Variants in PKNOX2 observed in about 807,000 individuals in gnomAD.
PKNOX2 encodes the protein homeobox protein PKNOX2.
A neutral mutation model predicts 53.1 loss-of-function variants in PKNOX2; 14 were observed. That is an observed-to-expected ratio of 0.26 (90% CI 0.17 to 0.41). PKNOX2 has a LOEUF of 0.41. PKNOX2 is among the 10% of genes least tolerant of loss of function. PKNOX2 has a pLI of 1.00. For missense variants in PKNOX2, 496 were observed against 602.8 expected, an observed-to-expected ratio of 0.82 and a Z score of 1.85; for synonymous variants, 257 against 242.8, an observed-to-expected ratio of 1.06 and a Z score of -0.54.
At chr11:125,181,482 A>G (rs1366459335) in intron 1 of PKNOX2, among the ~76,000 whole-genome samples, 3 of 152,140 alleles carry the variant, frequency 2.0e-5, no homozygotes, top group African/African-American at 7.2e-5. Context: ...GTAGAAGGGA[A>G]CAGTGGTTAG....
intron 8 of PKNOX2, 97 bp downstream of exon 8, chr11:125,410,422 G>A (rs3824917): frequency 0.22 from 323,779 of 1,499,228 alleles, 41,013 homozygotes; most frequent in East Asian, 0.6. Context: ...GTCCTCCACC[G>A]AGGGAGGGGC....
At chr11:125,381,975 G>A (rs1953262430) in intron 5 of PKNOX2, among the ~76,000 whole-genome samples, 2 of 152,202 alleles carry the variant, frequency 1.3e-5, no homozygotes, top group Admixed American at 6.5e-5. Flanking sequence ...CAGAAGCAGA[G>A]GAGATCACCC....
intron 10 of PKNOX2, among the ~76,000 whole-genome samples, chr11:125,424,842 C>G (rs548748989): frequency 6.6e-6 from 1 of 152,180 alleles, no homozygotes; most frequent in African/African-American, 2.4e-5. Context: ...TCTGAACCAG[C>G]CCCTGGGCAG....
intron 10 of PKNOX2, among the ~76,000 whole-genome samples, chr11:125,421,123 A>G (rs1956145786): frequency 6.6e-6 from 1 of 152,236 alleles, no homozygotes; most frequent in African/African-American, 2.4e-5. Flanking sequence ...ATGTGATTTC[A>G]GCACTAAGGG....
At chr11:125,262,341 A>T (rs1944923707) in intron 2 of PKNOX2, among the ~76,000 whole-genome samples, 1 of 152,168 alleles carries the variant, frequency 6.6e-6, no homozygotes, top group African/African-American at 2.4e-5. Flanking sequence ...GTGTTCTGGC[A>T]GCCACGCGTG....
intron 2 of PKNOX2, among the ~76,000 whole-genome samples, chr11:125,264,172 A>G (rs1945115870): frequency 6.6e-6 from 1 of 152,056 alleles, no homozygotes; most frequent in South Asian, 2.1e-4. Flanking sequence ...GCTACAAGGG[A>G]CCTCCATCCA....
Position 125,178,694 on chromosome 11 carries a change from G to GAA in PKNOX2, c.-201+13919_-201+13920insAA, listed in dbSNP as rs1246970410. On this transcript the variant is annotated intron_variant, in intron 1 of 12. Transcript: ENST00000298282. ...GGAAAGAAAGAGAGAGAGAGAGAGA[G>GAA]AGAGAAAGAAAGAAAGAAAGAAAGA... Among the ~76,000 whole-genome samples, 111 of 134,210 alleles carry GAA rather than the reference G, an allele frequency of 8.3e-4. 4 individuals are homozygous for GAA. The highest frequency in any genetic ancestry group is 1.4e-3 in the Non-Finnish European group (90 of 62,292). The allele number at this position is 134,210 out of a possible 152,430, so 88.0% of individuals were successfully genotyped here.
chr11:125,360,457 G>A (rs1230724954), intron 4 of PKNOX2, among the ~76,000 whole-genome samples: 1 of 152,220 alleles, frequency 6.6e-6, no homozygotes, highest in East Asian at 1.9e-4. Flanking sequence ...CCTGGGAAGA[G>A]ATATTAATAG....
At chr11:125,322,854 G>A (rs78566161) in intron 2 of PKNOX2, among the ~76,000 whole-genome samples, 20,976 of 152,246 alleles carry the variant, frequency 0.14, 1,844 homozygotes, top group Middle Eastern at 0.2. Context: ...TGTAAAATGG[G>A]TATATTGATA....
At chr11:125,286,966 A>C (rs990904235) in intron 2 of PKNOX2, among the ~76,000 whole-genome samples, 5 of 152,166 alleles carry the variant, frequency 3.3e-5, no homozygotes, top group African/African-American at 1.2e-4. Context: ...ACCCAGGAAA[A>C]CATGTGCTGC....
chr11:125,299,259 A>G (rs552495412), intron 2 of PKNOX2, among the ~76,000 whole-genome samples: 2 of 152,186 alleles, frequency 1.3e-5, no homozygotes, highest in East Asian at 3.9e-4. Flanking sequence ...CACGATCTGA[A>G]CACCTCCCGC....
rs569804043 is a variant in PKNOX2 at position 125,376,911 on chromosome 11, C to T, written c.228-8640C>T. On this transcript the variant is annotated intron_variant, in intron 5 of 12. Coordinates refer to ENST00000298282, the MANE Select transcript of PKNOX2 (RefSeq NM_001382323.2). ...TAAATTTCTATTGGCAGTCCTTTTT[C>T]GGTTAAAAGAAAACGAGGTTCGAAG... 2.4e-4 allele frequency among the ~76,000 whole-genome samples: 36 copies of T among 152,178 alleles called. No individual in the cohort carries two copies. The East Asian group carries it at 5.4e-3, about 23-fold the overall frequency.
chr11:125,173,022 G>A (rs909957622), intron 1 of PKNOX2, among the ~76,000 whole-genome samples: 6 of 152,134 alleles, frequency 3.9e-5, no homozygotes, highest in African/African-American at 1.2e-4. Context: ...CACAGGCTTT[G>A]GAGTCAGATT....
chr11:125,268,825 G>A (rs1945554705), intron 2 of PKNOX2, among the ~76,000 whole-genome samples: 1 of 152,102 alleles, frequency 6.6e-6, no homozygotes, highest in Non-Finnish European at 1.5e-5. Flanking sequence ...TGAGAATTCC[G>A]TGACCCTTTC....
At chr11:125,239,464 A>C (rs1942986104) in intron 2 of PKNOX2, among the ~76,000 whole-genome samples, 2 of 152,190 alleles carry the variant, frequency 1.3e-5, no homozygotes, top group South Asian at 4.1e-4. Context: ...TTTTTATTTC[A>C]GTTGGCTGGA....
intron 1 of PKNOX2, among the ~76,000 whole-genome samples, chr11:125,226,705 C>T (rs991884029): frequency 2.0e-5 from 3 of 151,374 alleles, no homozygotes; most frequent in Non-Finnish European, 4.4e-5. Flanking sequence ...GATGGTACAA[C>T]TAGGAGCGTA....
intron 3 of PKNOX2, among the ~76,000 whole-genome samples, chr11:125,343,606 C>T (rs1162833662): frequency 1.3e-5 from 2 of 152,110 alleles, no homozygotes; most frequent in Non-Finnish European, 2.9e-5. Context: ...TTAAGCTCCT[C>T]GGTAGGAAGA....
rs1362136492 is a variant in PKNOX2 at position 125,422,942 on chromosome 11, C to T, written c.937-6070C>T. On this transcript the variant is annotated intron_variant, in intron 10 of 12. Transcript: ENST00000298282. This position sits in a 1 kb window ranked among gnomAD's most constrained non-coding sequence, Gnocchi z 4.1. ...AGACACAGCCACATGCGTCAAGCTA[C>T]AGACTTATTTGTTATTTATTTAACA... Among the ~76,000 whole-genome samples, 2 of 152,160 alleles carry T rather than the reference C, an allele frequency of 1.3e-5. No homozygotes were observed. Among genetic ancestry groups the T allele is most frequent in the African/African-American group, 4.8e-5 (2 of 41,426 alleles).
At chr11:125,377,913 A>G (rs563303210) in intron 5 of PKNOX2, among the ~76,000 whole-genome samples, 1 of 152,348 alleles carries the variant, frequency 6.6e-6, no homozygotes, top group Non-Finnish European at 1.5e-5. Context: ...TAGGAGAGAT[A>G]CTGAAAAGGG....
Sources: gnomAD v4.1 joint callset for allele counts (sites outside exome capture counted in the v4.1 genomes callset) on GRCh38, gnomAD v4.1.1 for gene constraint, Gnocchi (gnomAD v3.1) non-coding constraint, MANE v1.5 for transcripts, NCBI Gene and HGNC (gene_info 2026-07-23, HGNC 2026-07-21) for gene names.